XPR1: variants seen among roughly 807,000 people sequenced by gnomAD.
The protein encoded by XPR1 is xenotropic and polytropic retrovirus receptor 1, also known as solute carrier family 53 member 1.
Under a neutral mutation model 87.5 loss-of-function variants are expected in XPR1, and 28 were observed. That is an observed-to-expected ratio of 0.32 (90% CI 0.24 to 0.44). The LOEUF is 0.44. Ranked by LOEUF, XPR1 falls within the 20% of genes least tolerant of loss-of-function variation. The pLI is 1.00. For missense variants in XPR1, 559 were observed against 862.3 expected, an observed-to-expected ratio of 0.65 and a Z score of 4.41; for synonymous variants, 300 against 306.1, an observed-to-expected ratio of 0.98 and a Z score of 0.21.
intron 2 of XPR1, among the ~76,000 whole-genome samples, chr1:180,785,601 C>T (rs1322954355): frequency 6.6e-6 from 1 of 151,868 alleles, no homozygotes; most frequent in Non-Finnish European, 1.5e-5. Context: ...CTTGGTGATA[C>T]TATAAATAGT....
chr1:180,649,529 C>T (rs1190516195), intron 1 of XPR1, among the ~76,000 whole-genome samples: 1 of 152,180 alleles, frequency 6.6e-6, no homozygotes, highest in Non-Finnish European at 1.5e-5. Flanking sequence ...TGCAAATGCT[C>T]TGTGTTGTGG....
At chr1:180,823,289 T>C (rs1280922251) in intron 7 of XPR1, among the ~76,000 whole-genome samples, 2 of 151,876 alleles carry the variant, frequency 1.3e-5, no homozygotes, top group African/African-American at 4.8e-5. Context: ...AAATGAGCAG[T>C]ACTGTCAATA....
chr1:180,651,144 C>A (rs998608643), intron 1 of XPR1, among the ~76,000 whole-genome samples: 3 of 151,286 alleles, frequency 2.0e-5, no homozygotes, highest in Admixed American at 6.6e-5. Flanking sequence ...TTGCTTTTGC[C>A]GCCCAGGCTG....
intron 1 of XPR1, among the ~76,000 whole-genome samples, chr1:180,668,567 CT>C (rs1656047985): frequency 6.6e-6 from 1 of 152,210 alleles, no homozygotes; most frequent in South Asian, 2.1e-4. Flanking sequence ...CCTAACACTG[CT>C]TTCACAGTGT....
chr1:180,662,551 C>G (rs921687002), intron 1 of XPR1, among the ~76,000 whole-genome samples: 1 of 152,062 alleles, frequency 6.6e-6, no homozygotes, highest in Admixed American at 6.6e-5. Flanking sequence ...CTTTTATGAT[C>G]GTTTCTTTAT....
chr1:180,761,699 G>A (rs1648038594), intron 2 of XPR1, among the ~76,000 whole-genome samples: 1 of 152,124 alleles, frequency 6.6e-6, no homozygotes, highest in Admixed American at 6.5e-5. Context: ...CAACCCTTGT[G>A]GAAGTCAGTG....
intron 2 of XPR1, among the ~76,000 whole-genome samples, chr1:180,763,835 A>G (rs2102056410): frequency 6.6e-6 from 1 of 152,360 alleles, no homozygotes; most frequent in Middle Eastern, 3.4e-3. Context: ...TAGAGGACCC[A>G]CTTCCTGGTC....
chr1:180,687,983 AT>A (rs1342669685), intron 2 of XPR1, among the ~76,000 whole-genome samples: 1 of 151,252 alleles, frequency 6.6e-6, no homozygotes, highest in Non-Finnish European at 1.5e-5. Context: ...AACCATTTAC[AT>A]TGGAAATATG....
At chr1:180,650,402 C>A (rs1281002770) in intron 1 of XPR1, among the ~76,000 whole-genome samples, 2 of 152,056 alleles carry the variant, frequency 1.3e-5, no homozygotes, top group African/African-American at 4.8e-5. Context: ...TGCCTGGCTC[C>A]CCACACAATT....
At chr1:180,775,437 A>T in intron 2 of XPR1, among the ~76,000 whole-genome samples, 1 of 152,148 alleles carries the variant, frequency 6.6e-6, no homozygotes, top group East Asian at 1.9e-4. Flanking sequence ...AATGAAAAAA[A>T]ATTGAAAAAA....
intron 3 of XPR1, among the ~76,000 whole-genome samples, chr1:180,789,695 T>C (rs1323662436): frequency 1.3e-5 from 2 of 152,092 alleles, no homozygotes; most frequent in Non-Finnish European, 2.9e-5. Flanking sequence ...GCTAGCATTA[T>C]AGACATGGCC....
chr1:180,811,863 A>T (rs1002870585), intron 7 of XPR1, among the ~76,000 whole-genome samples: 1 of 152,202 alleles, frequency 6.6e-6, no homozygotes, highest in African/African-American at 2.4e-5. Flanking sequence ...CACTTTGCTT[A>T]TTGGAGACCC....
At chr1:180,714,987 G>C (rs1051930867) in intron 2 of XPR1, among the ~76,000 whole-genome samples, 2 of 152,114 alleles carry the variant, frequency 1.3e-5, no homozygotes, top group African/African-American at 4.8e-5. Context: ...AATATATTAA[G>C]ATGTGGGCTA....
intron 2 of XPR1, among the ~76,000 whole-genome samples, chr1:180,748,789 T>A (rs1647393500): frequency 6.6e-6 from 1 of 152,222 alleles, no homozygotes; most frequent in African/African-American, 2.4e-5. Context: ...TTCCCAACTC[T>A]GTATTCAGTG....
chr1:180,786,176 T>G (rs533914471), intron 2 of XPR1, among the ~76,000 whole-genome samples: 3 of 149,842 alleles, frequency 2.0e-5, no homozygotes, highest in African/African-American at 7.2e-5. Flanking sequence ...ATAAAAGTTT[T>G]GTGCAGTCTT....
intron 1 of XPR1, among the ~76,000 whole-genome samples, chr1:180,656,382 T>G (rs1655474359): frequency 9.9e-6 from 1 of 101,492 alleles, no homozygotes; most frequent in Non-Finnish European, 1.8e-5. Context: ...ATATATAATA[T>G]TCATGTATTT....
At chr1:180,663,692 T>C (rs1655857002) in intron 1 of XPR1, among the ~76,000 whole-genome samples, 1 of 152,130 alleles carries the variant, frequency 6.6e-6, no homozygotes, top group Admixed American at 6.5e-5. Context: ...ATTCAGCAGG[T>C]AGTGAATCCA....
At position 180,873,817 on chromosome 1, in the gene XPR1, T is replaced by C. The variant is rs1571909163; in HGVS notation, c.1683T>C (p.Cys561=). ...TTATTTCTCAGGCCTACTACTACTG[T>C]GCCATAATAGAGGATGTGATTCTGC... ...IVYPQKAYYY[C]AIIEDVILRF... The change falls in exon 13 of 15, where the codon TGT becomes TGC. Residue 561 remains cysteine (C), a synonymous_variant. Coordinates refer to ENST00000367590, the MANE Select transcript of XPR1 (RefSeq NM_004736.4). The C allele has an allele frequency of 6.2e-7, 1 of 1,613,708 alleles. No individual in the cohort carries two copies. The highest frequency in any genetic ancestry group is 8.5e-7 in the Non-Finnish European group (1 of 1,179,918).
At chr1:180,847,504 C>A (rs1448448433) in intron 11 of XPR1, among the ~76,000 whole-genome samples, 1 of 152,092 alleles carries the variant, frequency 6.6e-6, no homozygotes. Context: ...GAGAAAGTGA[C>A]TAGATTTCTT....
Sources: gnomAD v4.1 joint callset for allele counts (sites outside exome capture counted in the v4.1 genomes callset) on GRCh38, gnomAD v4.1.1 for gene constraint, MANE v1.5 for transcripts, NCBI Gene and HGNC (gene_info 2026-07-23, HGNC 2026-07-21) for gene names.